Variants in BEND5 observed in about 807,000 individuals in gnomAD.
BEND5 encodes the protein BEN domain-containing protein 5.
In BEND5, 22 loss-of-function variants were observed where a neutral mutation model predicts 43.9. The ratio of observed to expected loss-of-function variants is 0.50; its 90% CI spans 0.36 to 0.72. The LOEUF (loss-of-function observed/expected upper bound fraction) is 0.72, where lower values mean the gene tolerates loss of function less well. BEND5 is among the 30% of genes least tolerant of loss of function. The probability of loss-of-function intolerance (pLI) is 0.00; values close to 1 mark genes in which losing one functional copy is unlikely to be tolerated. For synonymous variants in BEND5, 228 were observed against 225.9 expected (o/e 1.01, Z -0.08); for missense variants, 428 against 550.6 (o/e 0.78, Z 2.23).
Position 48,736,594 on chromosome 1 carries a change from C to A in BEND5, c.895-142G>T. On this transcript the variant is annotated intron_variant, in intron 4 of 5. Transcript: ENST00000371833. This position sits in a 1 kb window ranked among gnomAD's most constrained non-coding sequence, Gnocchi z 4.0. ...GAAATTAACTCTCTTTAAGGGTAATCGTAATAGCTATCATCTACTGAATAC... is the reference window on the plus strand; with the variant it reads ...GAAATTAACTCTCTTTAAGGGTAATAGTAATAGCTATCATCTACTGAATAC... The A allele has an allele frequency of 4.2e-6, 3 of 715,352 alleles. No homozygotes were observed. The highest frequency in any genetic ancestry group is 2.7e-5 in the East Asian group (1 of 37,514). The allele number at this position is 715,352 out of a possible 1,614,324, so 44.3% of individuals were successfully genotyped here.
Position 48,736,403 on chromosome 1 carries a change from A to G in BEND5, c.944T>C (p.Leu315Pro). ...IWVDEEKWHQ[L>P]QVTQGDSKYT... ...CTTGGAATCTCCTTGGGTTACTTGT[A>G]GCTGGTGCCATTTCTCCTCATCAAC... Residue 315 changes from leucine (L) to proline (P), a missense_variant, in exon 5 of 6, where the codon CTA becomes CCA. Leu to Pro is a moderately conservative substitution (Grantham distance 98). Coordinates refer to ENST00000371833, the MANE Select transcript of BEND5 (RefSeq NM_024603.4). This position sits in a 1 kb window ranked among gnomAD's most constrained non-coding sequence, Gnocchi z 4.0. The G allele has an allele frequency of 1.2e-6, 2 of 1,614,112 alleles. No individual in the cohort carries two copies. The highest frequency in any genetic ancestry group is 1.7e-6 in the Non-Finnish European group (2 of 1,180,024).
chr1:48,754,724 G>C (rs575075220), intron 3 of BEND5, among the ~76,000 whole-genome samples: 1 of 152,274 alleles, frequency 6.6e-6, no homozygotes, highest in South Asian at 2.1e-4. Flanking sequence ...AGAAAGGGTT[G>C]TTTACCATGC....
At chr1:48,749,864 C>T (rs1209630845) in intron 3 of BEND5, among the ~76,000 whole-genome samples, 1 of 152,138 alleles carries the variant, frequency 6.6e-6, no homozygotes, top group African/African-American at 2.4e-5. Flanking sequence ...CATTGAAGGC[C>T]CACACATGTA....
intron 4 of BEND5, among the ~76,000 whole-genome samples, chr1:48,741,143 T>G (rs1649853537): frequency 1.3e-5 from 2 of 152,142 alleles, no homozygotes; most frequent in African/African-American, 4.8e-5. Flanking sequence ...GGAAGCTACT[T>G]TAAGAAAAAC....
intron 5 of BEND5, among the ~76,000 whole-genome samples, chr1:48,730,719 T>G: frequency 6.6e-6 from 1 of 152,200 alleles, no homozygotes; most frequent in East Asian, 1.9e-4. Flanking sequence ...ATTAATCACC[T>G]GCAGTTGCCG....
At position 48,768,551 on chromosome 1, in the gene BEND5, C is replaced by T. The variant is rs1570599781; in HGVS notation, c.227-7081G>A. Reference sequence around the variant, plus strand: ...TGTTTTAGAAAAAACAAGCAGGTGACAGGAAACCCAATGCAAGTCTGTATT... The same window carrying T: ...TGTTTTAGAAAAAACAAGCAGGTGATAGGAAACCCAATGCAAGTCTGTATT... On this transcript the variant is annotated intron_variant, in intron 1 of 5. Transcript: ENST00000371833. 2.0e-5 allele frequency among the ~76,000 whole-genome samples: 3 copies of T among 152,232 alleles called. No individual in the cohort carries two copies. The East Asian group carries it at 5.8e-4, about 29-fold the overall frequency.
intron 1 of BEND5, among the ~76,000 whole-genome samples, chr1:48,769,699 G>A (rs753634205): frequency 2.6e-5 from 4 of 152,138 alleles, no homozygotes; most frequent in Non-Finnish European, 4.4e-5. Context: ...GTCCACTGTA[G>A]TTCCTAACAG....
intron 3 of BEND5, among the ~76,000 whole-genome samples, chr1:48,750,007 T>C (rs1022846793): frequency 2.0e-5 from 3 of 152,178 alleles, no homozygotes; most frequent in South Asian, 2.1e-4. Context: ...AGTGAGTGCC[T>C]GAGGGTAGGA....
At position 48,776,613 on chromosome 1, in the gene BEND5, C is replaced by T. The variant is rs1570642945; in HGVS notation, c.219G>A (p.Ala73=). 1.4e-6 allele frequency: 2 copies of T among 1,441,594 alleles called. No homozygotes were observed. Among genetic ancestry groups the T allele is most frequent in the East Asian group, 6.0e-5 (2 of 33,076 alleles). The allele number at this position is 1,441,594 out of a possible 1,614,324, so 89.3% of individuals were successfully genotyped here. A position where few individuals can be genotyped will look rare whatever the true frequency, so the allele number is the denominator to read the frequency against. Residue 73 remains alanine (A), a synonymous_variant, in exon 1 of 6, where the codon GCG becomes GCA. Coordinates refer to ENST00000371833, the MANE Select transcript of BEND5 (RefSeq NM_024603.4). ...CCCCGCCCGCTTGCTCACCTGCCAG[C>T]GCCAGGATCTGGGCCTTGTGGAGCA... The part of the protein sequence containing the change: ...ALLLHKAQIL[A]LAEDKSDLEN...
At chr1:48,770,343 T>C (rs1018421309) in intron 1 of BEND5, among the ~76,000 whole-genome samples, 8 of 152,242 alleles carry the variant, frequency 5.3e-5, no homozygotes, top group Non-Finnish European at 7.3e-5. Context: ...AGCCTAGTTC[T>C]AGGATCCAAA....
intron 4 of BEND5, among the ~76,000 whole-genome samples, chr1:48,737,328 C>T (rs886144580): frequency 6.6e-6 from 1 of 152,072 alleles, no homozygotes; most frequent in African/African-American, 2.4e-5. Flanking sequence ...ATCATCAGTT[C>T]GTGGGCCCCA....
rs374150750 is a variant in BEND5 at position 48,759,164 on chromosome 1, C to A, written c.481G>T (p.Val161Leu). The A allele has an allele frequency of 2.4e-4, 389 of 1,614,078 alleles. 3 individuals carry two copies. The highest frequency in any genetic ancestry group is 3.0e-4 in the Non-Finnish European group (349 of 1,180,032). The change falls in exon 3 of 6, where the codon GTG becomes TTG. Residue 161 changes from valine (V) to leucine (L), a missense_variant. Coordinates refer to ENST00000371833, the MANE Select transcript of BEND5 (RefSeq NM_024603.4). ...TCCTCTGTGCCTGGCGAGGCCTCCA[C>A]GAAGACCTCTTCCGGACACGTGCTA... Reference protein sequence around the residue: ...GHSTCPEEVFVEASPGTEDMD... With the variant: ...GHSTCPEEVFLEASPGTEDMD...
intron 1 of BEND5, among the ~76,000 whole-genome samples, chr1:48,774,060 G>A (rs1264551465): frequency 2.6e-5 from 4 of 152,228 alleles, no homozygotes; most frequent in Non-Finnish European, 5.9e-5. Context: ...GCTGGCTTGG[G>A]CCAACACTCA....
At chr1:48,768,886 C>T (rs955933431) in intron 1 of BEND5, among the ~76,000 whole-genome samples, 6 of 152,060 alleles carry the variant, frequency 3.9e-5, no homozygotes, top group Non-Finnish European at 5.9e-5. Context: ...ATTCTCTGGC[C>T]GATGGTGTTT....
At chr1:48,761,258 A>G (rs1644242312) in intron 2 of BEND5, 79 bp downstream of exon 2, 5 of 1,407,380 alleles carry the variant, frequency 3.6e-6, no homozygotes, top group Non-Finnish European at 4.8e-6. Context: ...GGGGAGAGGA[A>G]GCCAGACTGA....
intron 3 of BEND5, among the ~76,000 whole-genome samples, chr1:48,757,969 T>C (rs944231597): frequency 2.0e-5 from 3 of 152,178 alleles, no homozygotes; most frequent in African/African-American, 7.2e-5. Flanking sequence ...TCTGGATTCT[T>C]ATATTCTAAA....
rs146041042 is a variant in BEND5, at chr1:48,742,668, G to C, written c.849C>G (p.Pro283=). The change falls in exon 4 of 6, where the codon CCC becomes CCG. Residue 283 remains proline, a synonymous_variant. Coordinates refer to ENST00000371833, the MANE Select transcript of BEND5 (RefSeq NM_024603.4). ...SEEANTSSYY[P]APAPVMDKYI... The stretch of plus-strand genomic sequence containing the variant: ...ACTTGTCCATGACAGGCGCAGGAGC[G>C]GGGTAATAGGACGACGTATTTGCTT... 56 of 1,609,204 alleles carry C rather than the reference G, an allele frequency of 3.5e-5. No individual in the cohort carries two copies. In the Middle Eastern group the frequency reaches 4.9e-4, roughly 14 times the overall value.
intron 1 of BEND5, among the ~76,000 whole-genome samples, chr1:48,762,865 A>AT (rs1644347371): frequency 6.6e-6 from 1 of 151,906 alleles, no homozygotes; most frequent in Non-Finnish European, 1.5e-5. Flanking sequence ...TTAAGTGTGA[A>AT]CCTCAGCTTT....
At position 48,765,962 on chromosome 1, in the gene BEND5, T is replaced by G. The variant is rs546101025; in HGVS notation, c.227-4492A>C. 2.6e-5 allele frequency among the ~76,000 whole-genome samples: 4 copies of G among 152,314 alleles called. No individual in the cohort carries two copies. The South Asian group carries it at 8.3e-4, about 32-fold the overall frequency. Reference sequence around the variant, plus strand: ...ATGGGTAACACGGATTTATTTTCTTTTTGGGTGATAAAAACGTTCCGGAAT... The same window carrying G: ...ATGGGTAACACGGATTTATTTTCTTGTTGGGTGATAAAAACGTTCCGGAAT... On this transcript the variant is annotated intron_variant, in intron 1 of 5. Coordinates refer to ENST00000371833, the MANE Select transcript of BEND5 (RefSeq NM_024603.4).
Sources: allele counts gnomAD v4.1 joint callset (sites outside exome capture counted in the v4.1 genomes callset), GRCh38; gene constraint gnomAD v4.1.1; non-coding constraint Gnocchi (gnomAD v3.1); transcripts MANE v1.5; gene names NCBI Gene and HGNC (gene_info 2026-07-23, HGNC 2026-07-21).